The following ZNF536 variants were observed in gnomAD, a reference collection of about 807,000 sequenced individuals.
The protein encoded by ZNF536 is zinc finger protein 536.
In ZNF536, 13 loss-of-function variants were observed where a neutral mutation model predicts 84.5. The observed-to-expected ratio is 0.15, with a 90% CI of 0.10 to 0.24. ZNF536 has a LOEUF of 0.24. Ranked by LOEUF, ZNF536 falls within the 10% of genes least tolerant of loss-of-function variation. The pLI, the probability that ZNF536 is intolerant of heterozygous loss-of-function variation, is 1.00. For missense variants in ZNF536, 1,536 were observed against 1,747.5 expected, an observed-to-expected ratio of 0.88 and a Z score of 2.16; for synonymous variants, 811 against 742.5, an observed-to-expected ratio of 1.09 and a Z score of -1.50.
intron 2 of ZNF536, among the ~76,000 whole-genome samples, chr19:30,481,587 C>G (rs2054089969): frequency 6.6e-6 from 1 of 152,214 alleles, no homozygotes; most frequent in Admixed American, 6.5e-5. Flanking sequence ...AAATGCCAGG[C>G]AGTGTGCTAA....
Position 30,262,095 on chromosome 19 carries a change from G to T in ZNF536, c.-189-21977G>T, listed in dbSNP as rs78004469. Among the ~76,000 whole-genome samples the T allele has an allele frequency of 9.7e-4, 148 of 152,346 alleles. 1 individual carries two copies. The East Asian group carries it at 0.022, about 23-fold the overall frequency. ...TAGTTCACCGCTTTCAGAAATACGGGTTTGGTTTAGGTGGCGATGGTGGTG... is the reference window on the plus strand; with the variant it reads ...TAGTTCACCGCTTTCAGAAATACGGTTTTGGTTTAGGTGGCGATGGTGGTG... On this transcript the variant is annotated intron_variant, in intron 1 of 5. Coordinates refer to the ZNF536 transcript ENST00000585628.
intron 2 of ZNF536, among the ~76,000 whole-genome samples, chr19:30,287,580 GGATGGATGGATA>G (rs2045681524): frequency 6.7e-6 from 1 of 149,318 alleles, no homozygotes; most frequent in Non-Finnish European, 1.5e-5. Flanking sequence ...ATGGATGGAT[GGATGGATGGATA>G]GATGGATGGA....
At chr19:30,640,140 G>C (rs2049215972) in intron 1 of ZNF536, among the ~76,000 whole-genome samples, 2 of 152,142 alleles carry the variant, frequency 1.3e-5, no homozygotes, top group South Asian at 4.1e-4. Flanking sequence ...CCAGCTACTT[G>C]GGAGGCTGAG....
At chr19:30,515,597 A>G (rs550147069) in intron 2 of ZNF536, among the ~76,000 whole-genome samples, 1 of 152,268 alleles carries the variant, frequency 6.6e-6, no homozygotes, top group Admixed American at 6.5e-5. Context: ...AGCCATTGGT[A>G]AAACACAGGG....
chr19:30,509,259 A>G (rs982913300), intron 2 of ZNF536, among the ~76,000 whole-genome samples: 13 of 148,448 alleles, frequency 8.8e-5, no homozygotes, highest in African/African-American at 2.9e-4. Flanking sequence ...TATATATAAT[A>G]TGTAATGTAT....
chr19:30,297,902 G>GCC (rs1568313143), intron 2 of ZNF536, among the ~76,000 whole-genome samples: 7 of 119,620 alleles, frequency 5.9e-5, no homozygotes, highest in African/African-American at 2.8e-4. Context: ...TCAAGACGGA[G>GCC]TCCCCCCCCC....
rs1228166587 is a variant in ZNF536, at chr19:30,499,139, G to A, written c.2171-35708G>A. Among the ~76,000 whole-genome samples, 3 of 150,184 alleles carry A rather than the reference G, an allele frequency of 2.0e-5. 1 individual carries two copies. Among genetic ancestry groups the A allele is most frequent in the South Asian group, 4.2e-4 (2 of 4,768 alleles). ...TTGCAAGTTGCTTGATATATTTAAA[G>A]ACCACCTCTTTTTCCAGAAGAGCTC... is the stretch of plus-strand genomic sequence containing the variant. On this transcript the variant is annotated intron_variant, in intron 2 of 4. Transcript: ENST00000355537.
At chr19:30,307,634 A>G (rs941305386) in intron 2 of ZNF536, among the ~76,000 whole-genome samples, 6 of 151,796 alleles carry the variant, frequency 4.0e-5, no homozygotes, top group African/African-American at 1.5e-4. Context: ...CTGCTTCATA[A>G]CATTCTCAGT....
intron 2 of ZNF536, among the ~76,000 whole-genome samples, chr19:30,475,166 C>T (rs1021299536): frequency 6.6e-5 from 10 of 152,146 alleles, no homozygotes; most frequent in Admixed American, 1.3e-4. Context: ...CTGCAACCTT[C>T]GTCTCCCAGG....
At chr19:30,670,263 G>A (rs1358053101) in intron 1 of ZNF536, among the ~76,000 whole-genome samples, 1 of 151,872 alleles carries the variant, frequency 6.6e-6, no homozygotes, top group Non-Finnish European at 1.5e-5. Flanking sequence ...CTCCTGCGCC[G>A]CTTCTCATTC....
At chr19:30,414,083 G>A (rs1446668511) in intron 1 of ZNF536, among the ~76,000 whole-genome samples, 4 of 88,488 alleles carry the variant, frequency 4.5e-5, no homozygotes, top group South Asian at 5.3e-4. Context: ...AACAGTGAGA[G>A]ACTCTGTCTC....
intron 1 of ZNF536, among the ~76,000 whole-genome samples, chr19:30,599,682 G>A (rs755050797): frequency 1.3e-5 from 2 of 152,016 alleles, no homozygotes; most frequent in Non-Finnish European, 2.9e-5. Context: ...TTTTCTAACC[G>A]TATAAAAAGT....
intron 1 of ZNF536, among the ~76,000 whole-genome samples, chr19:30,376,816 C>G (rs887608562): frequency 6.6e-6 from 1 of 152,246 alleles, no homozygotes; most frequent in Admixed American, 6.5e-5. Context: ...CTGGCTCCCC[C>G]ATTAAAGCAC....
intron 1 of ZNF536, among the ~76,000 whole-genome samples, chr19:30,652,853 C>T (rs996707335): frequency 6.6e-6 from 1 of 152,140 alleles, no homozygotes; most frequent in Non-Finnish European, 1.5e-5. Flanking sequence ...TGTAAAGTCT[C>T]CTGCAGCGAT....
chr19:30,370,727 T>C (rs535062919), upstream of ZNF536, among the ~76,000 whole-genome samples: 10 of 152,274 alleles, frequency 6.6e-5, no homozygotes, highest in South Asian at 2.1e-3. Flanking sequence ...AGCCAGTAGG[T>C]GAAACAGCTA....
intron 1 of ZNF536, among the ~76,000 whole-genome samples, chr19:30,606,099 A>G (rs1199869885): frequency 6.6e-6 from 1 of 151,426 alleles, no homozygotes; most frequent in Non-Finnish European, 1.5e-5. Context: ...GGCTGCACTG[A>G]GCCATGATTG....
intron 1 of ZNF536, among the ~76,000 whole-genome samples, chr19:30,709,191 T>G (rs142735883): frequency 6.6e-6 from 1 of 152,316 alleles, no homozygotes; most frequent in East Asian, 1.9e-4. Context: ...TCCACAGGAA[T>G]CCACCTCCTG....
rs1296221536 is a variant in ZNF536 at position 30,445,479 on chromosome 19, G to A, written c.1917G>A (p.Val639=). The change falls in exon 2 of 5, where the codon GTG becomes GTA. Residue 639 remains valine, a synonymous_variant. Coordinates refer to ENST00000355537, the MANE Select transcript of ZNF536 (RefSeq NM_014717.3). This position sits in a 1 kb window ranked among gnomAD's most constrained non-coding sequence, Gnocchi z 4.5. ...CCGAGTGCCCCGACTGCGGCCGGGT[G>A]TTCCGCACTTACCACCAGGTGGTCG... ...KPTECPDCGR[V]FRTYHQVVVH... 1.2e-6 allele frequency: 2 copies of A among 1,614,038 alleles called. No homozygotes were observed. The highest frequency in any genetic ancestry group is 3.3e-5 in the Admixed American group (2 of 60,010).
intron 3 of ZNF536, among the ~76,000 whole-genome samples, chr19:30,353,951 A>G (rs1011038529): frequency 1.3e-5 from 2 of 152,160 alleles, no homozygotes; most frequent in African/African-American, 4.8e-5. Context: ...GGCAGTGAGT[A>G]CATCAGTTTG....
Sources: gnomAD v4.1 joint callset for allele counts (sites outside exome capture counted in the v4.1 genomes callset) on GRCh38, gnomAD v4.1.1 for gene constraint, Gnocchi (gnomAD v3.1) non-coding constraint, MANE v1.5 for transcripts, NCBI Gene and HGNC (gene_info 2026-07-23, HGNC 2026-07-21) for gene names.